Variants in NAV1 observed in about 807,000 individuals in gnomAD.
NAV1 encodes the protein neuron navigator 1.
A neutral mutation model predicts 175.2 loss-of-function variants in NAV1; 18 were observed. The ratio of observed to expected loss-of-function variants is 0.10; its 90% confidence interval spans 0.07 to 0.15. The LOEUF is 0.15. Among genes scored for constraint, NAV1 ranks in the 10% least tolerant of loss-of-function variants. NAV1 has a pLI of 1.00. For missense variants in NAV1, 1,731 were observed against 2,436.6 expected (o/e 0.71, Z 6.10); for synonymous variants, 897 against 978.7 (o/e 0.92, Z 1.56).
upstream of NAV1, among the ~76,000 whole-genome samples, chr1:201,618,050 C>A (rs1668053889): frequency 6.6e-6 from 1 of 151,880 alleles, no homozygotes; most frequent in Non-Finnish European, 1.5e-5. Flanking sequence ...AAGACCTGTG[C>A]AAGAGGCCTT....
chr1:201,808,518 G>A lies in NAV1; in HGVS notation c.3946G>A (p.Glu1316Lys). ...ATCGGAGCTGCGCTCTGAGCTATGG[G>A]AGAAGGAAATGAAGCTTACAGACAT... is the stretch of plus-strand genomic sequence containing the variant. The change falls in exon 19 of 30, where the codon GAG (glutamate) becomes AAG (lysine). Residue 1316 changes from glutamate to lysine, a missense_variant. By Grantham distance (56) the Glu-to-Lys change is moderately conservative. Transcript: ENST00000367296. The surrounding 1 kb of genome is among the most constrained non-coding windows in gnomAD (Gnocchi z 5.5). 1.2e-6 allele frequency: 2 copies of A among 1,614,252 alleles called. No homozygotes were observed. The highest frequency in any genetic ancestry group is 1.3e-5 in the African/African-American group (1 of 75,068).
chr1:201,620,638 T>C (rs1455146980), upstream of NAV1, among the ~76,000 whole-genome samples: 1 of 151,836 alleles, frequency 6.6e-6, no homozygotes, highest in African/African-American at 2.4e-5. Flanking sequence ...AGTGTGTGTG[T>C]GTGTAATTTT....
chr1:201,679,584 T>A (rs962957549), intron 1 of NAV1, among the ~76,000 whole-genome samples: 1 of 152,224 alleles, frequency 6.6e-6, no homozygotes, highest in Non-Finnish European at 1.5e-5. Context: ...CTTCCCCCAG[T>A]CACCAGATAC....
chr1:201,642,345 T>C (rs1668794473), intron 2 of NAV1, among the ~76,000 whole-genome samples: 1 of 151,896 alleles, frequency 6.6e-6, no homozygotes, highest in Non-Finnish European at 1.5e-5. Context: ...CCCAAGTAGC[T>C]GGGACTACAG....
intron 2 of NAV1, among the ~76,000 whole-genome samples, chr1:201,639,632 G>T (rs1002844371): frequency 1.2e-4 from 19 of 152,128 alleles, no homozygotes; most frequent in African/African-American, 3.9e-4. Flanking sequence ...TTGGCTGAAG[G>T]AGGGGCCAGT....
chr1:201,607,229 C>T (rs944325411), intron 2 of NAV1, among the ~76,000 whole-genome samples: 10 of 150,946 alleles, frequency 6.6e-5, no homozygotes, highest in Admixed American at 1.3e-4. Context: ...GATTCTCCTG[C>T]CTTAGACTTC....
chr1:201,577,472 A>ATTTTTTTTT (rs36112197), intron 1 of NAV1, among the ~76,000 whole-genome samples: 4 of 97,908 alleles, frequency 4.1e-5, no homozygotes, highest in African/African-American at 7.5e-5. Flanking sequence ...TGAGACTTAG[A>ATTTTTTTTT]TTTTTTTTTT....
rs1667048193 is a variant in NAV1, at chr1:201,586,974, G to A, written c.-143-1565G>A. On this transcript the variant is annotated intron_variant, in intron 1 of 33. Transcript: ENST00000685211. The stretch of plus-strand genomic sequence containing the variant: ...GCCTGTAACCCCAGCACTTTGGGAG[G>A]CCAAGGCTCACTTGAGCCCAGGAAT... Among the ~76,000 whole-genome samples, 3 of 152,112 alleles carry A rather than the reference G, an allele frequency of 2.0e-5. No individual in the cohort carries two copies. In the South Asian group the frequency reaches 6.2e-4, roughly 32 times the overall value.
chr1:201,761,234 G>A (rs1674821127), intron 3 of NAV1, among the ~76,000 whole-genome samples: 1 of 152,210 alleles, frequency 6.6e-6, no homozygotes, highest in African/African-American at 2.4e-5. Context: ...GAAGGCCAGG[G>A]ATTCTGGAGT....
chr1:201,785,217 T>C, intron 7 of NAV1, 93 bp from the exon 12 acceptor site: 1 of 1,362,094 alleles, frequency 7.3e-7, no homozygotes, highest in Non-Finnish European at 1.0e-6. Flanking sequence ...AGGGTCTGCA[T>C]ACCTCACACC....
chr1:201,632,147 G>T (rs1045635658), intron 2 of NAV1, among the ~76,000 whole-genome samples: 3 of 152,182 alleles, frequency 2.0e-5, no homozygotes, highest in African/African-American at 7.2e-5. Flanking sequence ...GCAGGAGAAG[G>T]CCAAAGAGCT....
intron 1 of NAV1, among the ~76,000 whole-genome samples, chr1:201,545,747 T>C (rs1181887420): frequency 6.6e-6 from 1 of 152,262 alleles, no homozygotes; most frequent in Non-Finnish European, 1.5e-5. Context: ...GATTTTCTTT[T>C]CAATTTGTAG....
intron 3 of NAV1, among the ~76,000 whole-genome samples, chr1:201,742,203 A>G (rs997147555): frequency 5.9e-5 from 9 of 152,342 alleles, no homozygotes; most frequent in East Asian, 1.9e-4. Flanking sequence ...GGAGGGCTCA[A>G]AACTTTCCCT....
At chr1:201,671,360 G>A (rs566917020) in intron 1 of NAV1, among the ~76,000 whole-genome samples, 11 of 152,028 alleles carry the variant, frequency 7.2e-5, no homozygotes, top group East Asian at 3.9e-4. Context: ...CTTCAAAGCC[G>A]ACACCTCCCC....
intron 1 of NAV1, among the ~76,000 whole-genome samples, chr1:201,564,801 G>A (rs1237738367): frequency 6.6e-6 from 1 of 152,234 alleles, no homozygotes; most frequent in African/African-American, 2.4e-5. Flanking sequence ...GGATCCAGGG[G>A]AGAATCTGTT....
Position 201,601,763 on chromosome 1 carries a change from GC to G in NAV1, c.-33+13116del, listed in dbSNP as rs1339162475. On this transcript the variant is annotated intron_variant, in intron 2 of 33. Coordinates refer to the NAV1 transcript ENST00000685211. ...GAGAAGTATATTTCTATTGTTAAAA[GC>G]CACCCAGTCTGCAAAATTTTGTTAA... is the stretch of plus-strand genomic sequence containing the variant. Among the ~76,000 whole-genome samples the G allele has an allele frequency of 6.6e-5, 10 of 152,278 alleles. No homozygotes were observed. The South Asian group carries it at 8.3e-4, about 13-fold the overall frequency.
intron 16 of NAV1, 49 bp from the exon 21 acceptor site, chr1:201,804,438 CTT>C (rs983834422): frequency 8.6e-5 from 99 of 1,150,024 alleles, no homozygotes; most frequent in Admixed American, 2.1e-4. Flanking sequence ...AGTGTTGATT[CTT>C]TTTTTTTTTC....
intron 29 of NAV1, 155 bp downstream of exon 33, chr1:201,817,440 C>T (rs978577649): frequency 3.0e-5 from 19 of 640,542 alleles, no homozygotes; most frequent in African/African-American, 2.8e-4. Context: ...TAATGAGACC[C>T]TGTCTGTATT....
intron 1 of NAV1, among the ~76,000 whole-genome samples, chr1:201,701,009 CAAAAAAAA>C (rs386369321): frequency 7.8e-4 from 41 of 52,768 alleles, no homozygotes; most frequent in East Asian, 5.1e-3. Flanking sequence ...GACTCTGTCT[CAAAAAAAA>C]AAAAAAAAAA....
Sources: gnomAD v4.1 joint callset for allele counts (sites outside exome capture counted in the v4.1 genomes callset) on GRCh38, gnomAD v4.1.1 for gene constraint, Gnocchi (gnomAD v3.1) non-coding constraint, MANE v1.5 for transcripts, NCBI Gene and HGNC (gene_info 2026-07-23, HGNC 2026-07-21) for gene names.